SLC2A8: variants seen among roughly 807,000 people sequenced by gnomAD.
The protein encoded by SLC2A8 is solute carrier family 2 member 8, also known as solute carrier family 2, facilitated glucose transporter member 8.
SLC2A8 carries 53 observed loss-of-function variants against 49.2 expected under a neutral mutation model. The observed-to-expected ratio is 1.08, with a 90% CI of 0.86 to 1.35. The LOEUF is 1.35. Ranked by LOEUF, SLC2A8 falls within the 40% of genes most tolerant of loss-of-function variation. The pLI is 0.00. For synonymous variants in SLC2A8, 299 were observed against 297.0 expected (o/e 1.01, Z -0.07); for missense variants, 688 against 671.7 (o/e 1.02, Z -0.27).
intron 4 of SLC2A8, among the ~76,000 whole-genome samples, chr9:127,401,217 G>A (rs1299368342): frequency 1.3e-5 from 2 of 152,224 alleles, no homozygotes; most frequent in Non-Finnish European, 2.9e-5. Context: ...CAGTTTCTCT[G>A]TCTTGAAATG....
chr9:127,399,314 C>T lies in SLC2A8; in HGVS notation c.427-593C>T, dbSNP rs911662167. Among the ~76,000 whole-genome samples the T allele has an allele frequency of 3.9e-5, 6 of 152,210 alleles. No homozygotes were observed. The highest frequency in any genetic ancestry group is 1.9e-4 in the East Asian group (1 of 5,196). ...ATCCAGGGTGTCTGTGCACATTAAA[C>T]GAAGGCTTGAGAAGCTCTGTGCCCA... On this transcript the variant is annotated intron_variant, in intron 3 of 9. Coordinates refer to ENST00000373371, the MANE Select transcript of SLC2A8 (RefSeq NM_014580.5). This position sits in a 1 kb window ranked among gnomAD's most constrained non-coding sequence, Gnocchi z 4.2.
chr9:127,397,907 T>C lies in SLC2A8; in HGVS notation c.222T>C (p.Ala74=), dbSNP rs1833102703. Residue 74 remains alanine (A), a splice_region_variant and synonymous_variant, in exon 3 of 10, where the codon GCT becomes GCC. Transcript: ENST00000373371. The part of the protein sequence containing the change: ...LDDAAASWFG[A]VVTLGAAAGG... ...CCTCAGCAGCCGCCCGCCTCCAGGC[T>C]GTCGTGACCCTGGGTGCCGCGGCGG... is the stretch of plus-strand genomic sequence containing the variant. 6.6e-7 allele frequency: 1 copy of C among 1,519,866 alleles called. No homozygotes were observed. The highest frequency in any genetic ancestry group is 1.4e-5 in the African/African-American group (1 of 72,140). 94.1% of individuals were successfully genotyped at this position (1,519,866 alleles called of 1,614,324 possible). A position where few individuals can be genotyped will look rare whatever the true frequency, so the allele number is the denominator to read the frequency against.
Position 127,404,074 on chromosome 9 carries a change from G to A in SLC2A8, c.976+7G>A, listed in dbSNP as rs754930962. On this transcript the variant is annotated splice_region_variant and intron_variant, in intron 7 of 9. Coordinates refer to ENST00000373371, the MANE Select transcript of SLC2A8 (RefSeq NM_014580.5). ...CTGCTCCTGGTCTTGTCAGGTGAGG[G>A]TTCACCCCTGTGCAGCCTCCCCGCC... 1.9e-6 allele frequency: 3 copies of A among 1,573,496 alleles called. No homozygotes were observed. In the African/African-American group the frequency reaches 4.1e-5, roughly 21 times the overall value.
At chr9:127,403,600 AG>A in intron 5 of SLC2A8, 59 bp from the exon 6 acceptor site, 8 of 1,604,884 alleles carry the variant, frequency 5.0e-6, no homozygotes, top group Non-Finnish European at 6.8e-6. Context: ...AGACCCCCAG[AG>A]GGGGGCCGCT....
At position 127,397,182 on chromosome 9, in the gene SLC2A8, C is replaced by T; in HGVS notation, c.-49C>T. ...CCGGTGCGGGCCGCACTCGCAGGGC[C>T]CGTGGCGGTTCAGGCGCCAGAGCTG... is the stretch of plus-strand genomic sequence containing the variant. On this transcript the variant is annotated 5_prime_UTR_variant, in exon 1 of 10. Coordinates refer to ENST00000373371, the MANE Select transcript of SLC2A8 (RefSeq NM_014580.5). 6.9e-7 allele frequency: 1 copy of T among 1,440,200 alleles called. No homozygotes were observed. Among genetic ancestry groups the T allele is most frequent in the South Asian group, 1.4e-5 (1 of 72,650 alleles). 89.2% of individuals were successfully genotyped at this position (1,440,200 alleles called of 1,614,324 possible).
chr9:127,403,391 G>T, intron 5 of SLC2A8: 1 of 524,488 alleles, frequency 1.9e-6, no homozygotes. Flanking sequence ...TGGCAGGGAT[G>T]AGGGCAGCAG....
intron 4 of SLC2A8, among the ~76,000 whole-genome samples, 160 bp downstream of exon 4, chr9:127,400,166 CTTTTTTT>C (rs796202714): frequency 8.6e-6 from 1 of 116,834 alleles, no homozygotes; most frequent in Non-Finnish European, 1.7e-5. Context: ...ATAGGTGAGT[CTTTTTTT>C]TTTTTTTTTT....
At chr9:127,403,532 G>A (rs981044537) in intron 5 of SLC2A8, 128 bp from the exon 6 acceptor site, 5 of 1,059,200 alleles carry the variant, frequency 4.7e-6, no homozygotes, top group African/African-American at 1.6e-5. Context: ...GGACACAGGG[G>A]GTGCTGGGAT....
intron 4 of SLC2A8, among the ~76,000 whole-genome samples, chr9:127,400,655 C>T (rs1049350538): frequency 6.6e-6 from 1 of 152,156 alleles, no homozygotes; most frequent in Non-Finnish European, 1.5e-5. Context: ...AAGGGCTGAG[C>T]AAGTCCCCTG....
intron 4 of SLC2A8, among the ~76,000 whole-genome samples, 160 bp downstream of exon 4, chr9:127,400,166 C>CTTTTTTTT (rs796202714): frequency 4.3e-5 from 5 of 116,828 alleles, no homozygotes; most frequent in Admixed American, 8.4e-5. Context: ...ATAGGTGAGT[C>CTTTTTTTT]TTTTTTTTTT....
intron 3 of SLC2A8, 90 bp downstream of exon 3, chr9:127,398,201 T>G: frequency 7.2e-7 from 1 of 1,382,766 alleles, no homozygotes; most frequent in South Asian, 1.2e-5. Flanking sequence ...GGGGCGCGGC[T>G]CCCCCTGGCG....
In SLC2A8 at chr9:127,399,929, A is replaced by G; in HGVS notation, c.449A>G (p.Tyr150Cys). Residue 150 changes from tyrosine (Y) to cysteine (C), a missense_variant, in exon 4 of 10, where the codon TAC (tyrosine) becomes TGC (cysteine). By Grantham distance (194) the Tyr-to-Cys change is radical. Transcript: ENST00000373371. This position sits in a 1 kb window ranked among gnomAD's most constrained non-coding sequence, Gnocchi z 4.2. ...CAGGTCTACATCTCCGAAATCGCCT[A>G]CCCAGCAGTCCGGGGGTTGCTCGGC... ...VAPVYISEIAYPAVRGLLGSC... is the reference protein window; with the variant it reads ...VAPVYISEIACPAVRGLLGSC... 1 of 1,613,636 alleles carries G rather than the reference A, an allele frequency of 6.2e-7. No homozygotes were observed. The highest frequency in any genetic ancestry group is 8.5e-7 in the Non-Finnish European group (1 of 1,179,798).
intron 7 of SLC2A8, chr9:127,404,579 G>A (rs1288915195): frequency 1.3e-5 from 7 of 526,712 alleles, no homozygotes; most frequent in Non-Finnish European, 1.7e-5. Flanking sequence ...CTGCTTCTGT[G>A]CCGGTACCTC....
chr9:127,406,161 C>T, intron 9 of SLC2A8: 1 of 482,244 alleles, frequency 2.1e-6, no homozygotes, highest in East Asian at 5.5e-5. Context: ...TCCAGGTCTC[C>T]TGGCATGTGC....
Position 127,407,880 on chromosome 9 carries a change from AAAAC to A in SLC2A8, c.*635_*638del, listed in dbSNP as rs1339977086. On this transcript the variant is annotated 3_prime_UTR_variant, in exon 10 of 10. Coordinates refer to ENST00000373371, the MANE Select transcript of SLC2A8 (RefSeq NM_014580.5). ...TAAAAAATAAACAGCAAAAAAAAAC[AAAAC>A]AAAACAAAAAAAAACACCTTTTGTT... 6.4e-5 allele frequency: 4 copies of A among 62,664 alleles called. No individual in the cohort carries two copies. The highest frequency in any genetic ancestry group is 5.0e-4 in the South Asian group (1 of 1,996). The allele number at this position is 62,664 out of a possible 1,614,324, so 3.9% of individuals were successfully genotyped here. A position where few individuals can be genotyped will look rare whatever the true frequency, so the allele number is the denominator to read the frequency against.
In SLC2A8 at chr9:127,402,708, G is replaced by A; in HGVS notation, c.678G>A (p.Trp226Ter). 1 of 1,561,662 alleles carries A rather than the reference G, an allele frequency of 6.4e-7. No individual in the cohort carries two copies. The highest frequency in any genetic ancestry group is 8.7e-7 in the Non-Finnish European group (1 of 1,153,904). Reference sequence around the variant, plus strand: ...CCATGGCCGCCCTGCGGTTCCTGTGGGGCTCCGAGCAGGGCTGGGAAGACC... The same window carrying A: ...CCATGGCCGCCCTGCGGTTCCTGTGAGGCTCCGAGCAGGGCTGGGAAGACC... ...QEAMAALRFLWGSEQGWEDPP... is the reference protein window; with the variant it reads ...QEAMAALRFL Residue 226 changes from tryptophan to a stop codon, truncating the protein, a stop_gained, in exon 5 of 10, where the codon TGG becomes TGA. Transcript: ENST00000373371. LOFTEE classifies it high-confidence loss of function.
At position 127,399,485 on chromosome 9, in the gene SLC2A8, C is replaced by T. The variant is rs1833187025; in HGVS notation, c.427-422C>T. On this transcript the variant is annotated intron_variant, in intron 3 of 9. Transcript: ENST00000373371. This position sits in a 1 kb window ranked among gnomAD's most constrained non-coding sequence, Gnocchi z 4.2. Reference sequence around the variant, plus strand: ...AAGGGGCTTCAGGGCCTGCCGTAACCCCCTGCAAGGACTTTCCTCAGCTCT... The same window carrying T: ...AAGGGGCTTCAGGGCCTGCCGTAACTCCCTGCAAGGACTTTCCTCAGCTCT... 6.6e-6 allele frequency among the ~76,000 whole-genome samples: 1 copy of T among 152,140 alleles called. No individual in the cohort carries two copies. Among genetic ancestry groups the T allele is most frequent in the African/African-American group, 2.4e-5 (1 of 41,418 alleles).
chr9:127,406,682 A>G (rs185557699), intron 9 of SLC2A8, among the ~76,000 whole-genome samples: 7 of 74,370 alleles, frequency 9.4e-5, no homozygotes, highest in Admixed American at 4.6e-4. Context: ...TCCTGGGGCC[A>G]TGCTCGCTTT....
At chr9:127,404,212 C>A (rs1469620079) in intron 7 of SLC2A8, 145 bp downstream of exon 7, 1 of 623,138 alleles carries the variant, frequency 1.6e-6, no homozygotes, top group Non-Finnish European at 2.8e-6. Flanking sequence ...CAGCTTGTCA[C>A]CAAGCACTCA....
Sources: gnomAD v4.1 joint callset for allele counts (sites outside exome capture counted in the v4.1 genomes callset) on GRCh38, gnomAD v4.1.1 for gene constraint, Gnocchi (gnomAD v3.1) non-coding constraint, MANE v1.5 for transcripts, NCBI Gene and HGNC (gene_info 2026-07-23, HGNC 2026-07-21) for gene names.